The following GON4L variants were observed in gnomAD, a reference collection of about 807,000 sequenced individuals.
GON4L encodes the protein gon-4 like, also known as GON-4-like protein.
Under a neutral mutation model 211.8 loss-of-function variants are expected in GON4L, and 87 were observed. That is an observed-to-expected ratio of 0.41 (90% CI 0.35 to 0.49). The LOEUF is 0.49. Ranked by LOEUF, GON4L falls within the 20% of genes least tolerant of loss-of-function variation. GON4L has a pLI of 0.15. For synonymous variants in GON4L, 875 were observed against 962.6 expected, an observed-to-expected ratio of 0.91 and a Z score of 1.68; for missense variants, 2,155 against 2,659.5, an observed-to-expected ratio of 0.81 and a Z score of 4.17.
chr1:155,755,928 C>G (rs1036802627), intron 27 of GON4L, among the ~76,000 whole-genome samples: 28 of 150,454 alleles, frequency 1.9e-4, no homozygotes, highest in Non-Finnish European at 3.5e-4. Context: ...TACTAAGAAG[C>G]AGTTTCTCCC....
At chr1:155,756,915 C>A in intron 27 of GON4L, 43 bp downstream of exon 27, 2 of 1,479,376 alleles carry the variant, frequency 1.4e-6, no homozygotes, top group Admixed American at 1.7e-5. Context: ...GGTGACAGAG[C>A]GAGATTCTGT....
At chr1:155,783,024 C>G (rs1348205806) in intron 14 of GON4L, among the ~76,000 whole-genome samples, 2 of 152,144 alleles carry the variant, frequency 1.3e-5, no homozygotes, top group African/African-American at 4.8e-5. Flanking sequence ...GTTTATAGAT[C>G]AAATCCCATT....
intron 2 of GON4L, among the ~76,000 whole-genome samples, chr1:155,835,276 C>T (rs981407903): frequency 2.0e-5 from 3 of 152,040 alleles, no homozygotes; most frequent in African/African-American, 7.2e-5. Context: ...GCAGCATGCT[C>T]GTTAAGTCAT....
chr1:155,764,263 C>A (rs1258619078), intron 21 of GON4L, among the ~76,000 whole-genome samples: 1 of 151,720 alleles, frequency 6.6e-6, no homozygotes, highest in Non-Finnish European at 1.5e-5. Flanking sequence ...GGATTACAGG[C>A]ATGTGCCACT....
At chr1:155,800,970 T>TG (rs1402471236) in intron 11 of GON4L, among the ~76,000 whole-genome samples, 2 of 152,058 alleles carry the variant, frequency 1.3e-5, no homozygotes, top group African/African-American at 2.4e-5. Context: ...TCTGTAACTT[T>TG]GAGCAAGACA....
Position 155,750,210 on chromosome 1 carries a change from C to T in GON4L, c.*374G>A. 1.8e-6 allele frequency: 1 copy of T among 550,306 alleles called. No homozygotes were observed. The highest frequency in any genetic ancestry group is 3.2e-6 in the Non-Finnish European group (1 of 310,158). The allele number at this position is 550,306 out of a possible 1,614,324, so 34.1% of individuals were successfully genotyped here. On this transcript the variant is annotated 3_prime_UTR_variant, in exon 32 of 32. Transcript: ENST00000368331. ...GATGCAGGAGCCCAGTGTCTTCATG[C>T]AGAGGAGCTCAATGTCGCGGGACTA...
At chr1:155,767,957 T>A (rs1376334021) in intron 19 of GON4L, among the ~76,000 whole-genome samples, 6 of 152,002 alleles carry the variant, frequency 3.9e-5, no homozygotes. Flanking sequence ...CAAATGGTGG[T>A]GTGAAAGGCA....
At chr1:155,811,391 CAAAAAAAAAAAAA>C (rs777417019) in intron 10 of GON4L, among the ~76,000 whole-genome samples, 19 of 33,168 alleles carry the variant, frequency 5.7e-4, no homozygotes, top group Admixed American at 2.5e-3. Flanking sequence ...GACTCCGTCT[CAAAAAAAAAAAAA>C]AAAAAAAAAA....
At chr1:155,806,520 G>A (rs1446177097) in intron 10 of GON4L, among the ~76,000 whole-genome samples, 3 of 151,954 alleles carry the variant, frequency 2.0e-5, no homozygotes, top group African/African-American at 7.2e-5. Context: ...TCAAACTCCT[G>A]GACTGGGCTC....
At chr1:155,849,640 G>C (rs1557932519) in intron 2 of GON4L, among the ~76,000 whole-genome samples, 1 of 151,500 alleles carries the variant, frequency 6.6e-6, no homozygotes, top group Non-Finnish European at 1.5e-5. Context: ...CGGGTGTGGT[G>C]GTGGGTGCCT....
chr1:155,788,148 C>T (rs781375909), intron 12 of GON4L, among the ~76,000 whole-genome samples: 10 of 152,134 alleles, frequency 6.6e-5, no homozygotes, highest in Admixed American at 1.3e-4. Flanking sequence ...TGCGCCACCA[C>T]GCCTGGCTAA....
intron 2 of GON4L, among the ~76,000 whole-genome samples, chr1:155,834,584 CA>C (rs1250162951): frequency 6.6e-6 from 1 of 152,120 alleles, no homozygotes; most frequent in Non-Finnish European, 1.5e-5. Context: ...CCCCGCTGAA[CA>C]AAACAGGAGC....
At chr1:155,795,715 C>T (rs1666001144) in intron 11 of GON4L, among the ~76,000 whole-genome samples, 1 of 152,202 alleles carries the variant, frequency 6.6e-6, no homozygotes, top group Non-Finnish European at 1.5e-5. Flanking sequence ...TCATGGCTCA[C>T]TGCAGCCTTG....
At chr1:155,821,677 G>A in intron 4 of GON4L, 129 bp from the exon 5 acceptor site, 1 of 685,342 alleles carries the variant, frequency 1.5e-6, no homozygotes, top group South Asian at 1.4e-5. Context: ...GCATCAGACT[G>A]GGGTAAAGCA....
rs781767291 is a variant in GON4L at position 155,766,517 on chromosome 1, T to C, written c.2956A>G (p.Thr986Ala). Residue 986 changes from threonine to alanine, a missense_variant, in exon 21 of 32, where the codon ACC becomes GCC. Around this residue, in one of 6 missense-constraint regions of GON4L, gnomAD observed 615 missense variants for 625.7 expected, o/e 0.98. Transcript: ENST00000368331. ...CTCCAAGCCTTCCTGGGGAAACGGG[T>C]GGCAACTGGCTTCAGTTTCAGGACT... ...GVVLKLKPVA[T>A]RFPRKAWRQK... The C allele has an allele frequency of 4.3e-6, 7 of 1,613,944 alleles. No homozygotes were observed. The highest frequency in any genetic ancestry group is 2.2e-5 in the South Asian group (2 of 91,082).
At position 155,750,033 on chromosome 1, in the gene GON4L, A is replaced by G; in HGVS notation, c.*551T>C. On this transcript the variant is annotated 3_prime_UTR_variant, in exon 32 of 32. Transcript: ENST00000368331. ...CAAACTCGACTTGCGGCGCTGGGCC[A>G]GCTTCATGGATGCTGGAGTGGAGCA... 4.8e-6 allele frequency: 6 copies of G among 1,249,874 alleles called. No homozygotes were observed. The East Asian group carries it at 7.4e-5, about 15-fold the overall frequency. The allele number at this position is 1,249,874 out of a possible 1,614,324, so 77.4% of individuals were successfully genotyped here. A position where few individuals can be genotyped will look rare whatever the true frequency, so the allele number is the denominator to read the frequency against.
chr1:155,807,976 C>T (rs992445109), intron 10 of GON4L, among the ~76,000 whole-genome samples: 7 of 151,944 alleles, frequency 4.6e-5, no homozygotes, highest in East Asian at 3.9e-4. Context: ...ATTTCCCACA[C>T]GTTAACCAAA....
intron 10 of GON4L, among the ~76,000 whole-genome samples, chr1:155,813,396 C>T (rs1328831709): frequency 6.6e-6 from 1 of 152,072 alleles, no homozygotes; most frequent in African/African-American, 2.4e-5. Flanking sequence ...CACACCACTG[C>T]ACTCAAGCCT....
At position 155,805,147 on chromosome 1, in the gene GON4L, C is replaced by A; in HGVS notation, c.1453-6G>T. On this transcript the variant is annotated splice_polypyrimidine_tract_variant and splice_region_variant and intron_variant, in intron 10 of 31. Coordinates refer to ENST00000368331, the MANE Select transcript of GON4L (RefSeq NM_001282860.2). ...ATGAGACTGTCATCCATGGGCTGGA[C>A]AATGGAGAAAGAAAAGTCACTGAGT... 1 of 1,607,230 alleles carries A rather than the reference C, an allele frequency of 6.2e-7. No homozygotes were observed. Among genetic ancestry groups the A allele is most frequent in the Non-Finnish European group, 8.5e-7 (1 of 1,173,782 alleles).
Sources: allele counts gnomAD v4.1 joint callset (sites outside exome capture counted in the v4.1 genomes callset), GRCh38; gene constraint gnomAD v4.1.1; regional missense constraint gnomAD v4.1.1; transcripts MANE v1.5; gene names NCBI Gene and HGNC (gene_info 2026-07-23, HGNC 2026-07-21).